ZNF600: variants seen among roughly 807,000 people sequenced by gnomAD.
ZNF600 encodes the protein zinc finger protein KR-ZNF1.
ZNF600 carries 4 observed loss-of-function variants against 7.3 expected under a neutral mutation model. The ratio of observed to expected loss-of-function variants is 0.55; its 90% CI spans 0.27 to 1.25. ZNF600 has a LOEUF of 1.25. Ranked by LOEUF, ZNF600 falls within the 50% of genes most tolerant of loss-of-function variation. The probability of loss-of-function intolerance (pLI) is 0.12; values close to 1 mark genes in which losing one functional copy is unlikely to be tolerated. For synonymous variants in ZNF600, 290 were observed against 308.9 expected (o/e 0.94, Z 0.64); for missense variants, 911 against 922.1 (o/e 0.99, Z 0.16).
At chr19:52,775,166 G>A (rs1223080870) in intron 2 of ZNF600, among the ~76,000 whole-genome samples, 1 of 151,832 alleles carries the variant, frequency 6.6e-6, no homozygotes, top group African/African-American at 2.4e-5. Context: ...CTTGAACCCA[G>A]GAGATGGAGG....
the ZNF600 span, among the ~76,000 whole-genome samples, chr19:52,812,542 T>C: frequency 8.0e-6 from 1 of 125,342 alleles, no homozygotes; most frequent in African/African-American, 3.4e-5. Flanking sequence ...CAAGATGTGC[T>C]TTGTTAAACA....
the ZNF600 span, chr19:52,809,969 C>T: frequency 6.2e-5 from 49 of 790,156 alleles, no homozygotes; most frequent in East Asian, 1.2e-3. Context: ...ACGATGGGAA[C>T]GGCCTGGAGT....
At chr19:52,810,489 A>G in the ZNF600 span, 1 of 1,585,412 alleles carries the variant, frequency 6.3e-7, no homozygotes, top group Non-Finnish European at 8.7e-7. Context: ...GCCTTGGATG[A>G]GTCCCTATTT....
chr19:52,783,693 A>T (rs1420245671), intron 1 of ZNF600, among the ~76,000 whole-genome samples: 1 of 151,560 alleles, frequency 6.6e-6, no homozygotes, highest in African/African-American at 2.4e-5. Context: ...GCTCTTTCTC[A>T]CCTTCTCTCT....
At chr19:52,775,248 A>C (rs1169949119) in intron 2 of ZNF600, among the ~76,000 whole-genome samples, 3 of 150,134 alleles carry the variant, frequency 2.0e-5, no homozygotes, top group African/African-American at 7.4e-5. Context: ...TCAAAAAACA[A>C]AACAAAACAA....
At chr19:52,779,628 A>G (rs1020236133) in intron 1 of ZNF600, among the ~76,000 whole-genome samples, 2 of 152,200 alleles carry the variant, frequency 1.3e-5, no homozygotes, top group African/African-American at 4.8e-5. Context: ...CTCACTAAGC[A>G]AAAGGGAGAA....
At chr19:52,802,604 G>A in the ZNF600 span, among the ~76,000 whole-genome samples, 2 of 151,466 alleles carry the variant, frequency 1.3e-5, no homozygotes, top group African/African-American at 4.9e-5. Context: ...TTGAACTTGG[G>A]AGGCAAAGAT....
the ZNF600 span, among the ~76,000 whole-genome samples, chr19:52,819,732 G>A: frequency 7.0e-6 from 1 of 143,266 alleles, no homozygotes; most frequent in Non-Finnish European, 1.5e-5. Flanking sequence ...TAAAATTAGA[G>A]AAGCATCTTT....
exon 4 of ZNF600, chr19:52,767,328 GAAT>G: frequency 1.9e-6 from 3 of 1,614,118 alleles, no homozygotes; most frequent in Non-Finnish European, 2.5e-6. Flanking sequence ...AGAATTCGGG[GAAT>G]TATTCCCATA....
At chr19:52,831,262 A>C in the ZNF600 span, among the ~76,000 whole-genome samples, 1 of 152,166 alleles carries the variant, frequency 6.6e-6, no homozygotes, top group Non-Finnish European at 1.5e-5. Context: ...GACTGAGCGC[A>C]GTGGCTCATG....
chr19:52,799,968 C>T, the ZNF600 span: 128 of 1,608,256 alleles, frequency 8.0e-5, no homozygotes, highest in Middle Eastern at 1.7e-4. Flanking sequence ...ATGAAGCCTA[C>T]GATGGATTAT....
chr19:52,809,779 T>C, the ZNF600 span: 2 of 498,032 alleles, frequency 4.0e-6, no homozygotes, highest in East Asian at 6.9e-5. Flanking sequence ...CACTGCAGCC[T>C]GGGTGACAGA....
At chr19:52,793,807 CACACACACACAA>C in the ZNF600 span, among the ~76,000 whole-genome samples, 1 of 109,172 alleles carries the variant, frequency 9.2e-6, no homozygotes, top group Non-Finnish European at 1.9e-5. Flanking sequence ...CACACACACA[CACACACACACAA>C]AAGTGATGTA....
At chr19:52,801,506 C>T in the ZNF600 span, 1 of 1,614,074 alleles carries the variant, frequency 6.2e-7, no homozygotes, top group Non-Finnish European at 8.5e-7. Flanking sequence ...TGATTTCTGT[C>T]ATGGGTGCTG....
chr19:52,797,527 A>G, the ZNF600 span: 1 of 152,256 alleles, frequency 6.6e-6, no homozygotes, highest in East Asian at 1.9e-4. Flanking sequence ...GCAGAATAGA[A>G]TAATAGCACC....
At chr19:52,808,644 T>TAAAA in the ZNF600 span, among the ~76,000 whole-genome samples, 57 of 137,280 alleles carry the variant, frequency 4.2e-4, no homozygotes, top group African/African-American at 1.4e-3. Flanking sequence ...AAAAAAAAAT[T>TAAAA]AAAAAAAAAA....
At chr19:52,801,767 TAAATATGACACAAA>T in the ZNF600 span, 1 of 1,404,898 alleles carries the variant, frequency 7.1e-7, no homozygotes, top group African/African-American at 1.4e-5. Context: ...CTGAAATGTG[TAAATATGACACAAA>T]AAACAATACT....
the ZNF600 span, among the ~76,000 whole-genome samples, chr19:52,804,264 C>A: frequency 1.3e-5 from 2 of 152,208 alleles, no homozygotes; most frequent in Admixed American, 6.5e-5. Context: ...AAATCAATGT[C>A]TTTGTCTTAA....
chr19:52,822,517 A>G, the ZNF600 span, among the ~76,000 whole-genome samples: 286 of 152,316 alleles, frequency 1.9e-3, 3 homozygotes, highest in African/African-American at 5.8e-3. Context: ...TTAGACCAGA[A>G]TGTGTTGGGA....
Sources: allele counts gnomAD v4.1 joint callset (sites outside exome capture counted in the v4.1 genomes callset), GRCh38; gene constraint gnomAD v4.1.1; transcripts MANE v1.5; gene names NCBI Gene and HGNC (gene_info 2026-07-23, HGNC 2026-07-21).